Variants in SKI observed in about 807,000 individuals in gnomAD.
SKI encodes the protein SKI proto-oncogene, also known as ski oncogene.
In SKI, 23 loss-of-function variants were observed where a neutral mutation model predicts 59.3. The observed-to-expected ratio is 0.39, with a 90% CI of 0.28 to 0.55. The LOEUF (loss-of-function observed/expected upper bound fraction) is 0.55, where lower values mean the gene tolerates loss of function less well. Ranked by LOEUF, SKI falls within the 20% of genes least tolerant of loss-of-function variation. The pLI is 0.67. For synonymous variants in SKI, 673 were observed against 488.6 expected (o/e 1.38, Z -4.98); for missense variants, 1,017 against 1,038.9 (o/e 0.98, Z 0.29).
chr1:2,234,416 C>G lies in SKI; in HGVS notation c.969+4681C>G, dbSNP rs115217717. Among the ~76,000 whole-genome samples, 323 of 152,318 alleles carry G rather than the reference C, an allele frequency of 2.1e-3. 3 individuals are homozygous for G. The highest frequency in any genetic ancestry group is 6.8e-3 in the Middle Eastern group (2 of 294). The stretch of plus-strand genomic sequence containing the variant: ...GGGGGCTAGTCCTCTCTTTCAGCAT[C>G]TTGTTTCTCAGCCGTCCCTGCGGCT... On this transcript the variant is annotated intron_variant, in intron 1 of 6. Coordinates refer to ENST00000378536, the MANE Select transcript of SKI (RefSeq NM_003036.4).
intron 1 of SKI, among the ~76,000 whole-genome samples, chr1:2,294,146 CCT>C (rs778985335): frequency 6.6e-6 from 1 of 152,172 alleles, no homozygotes; most frequent in African/African-American, 2.4e-5. Context: ...TTCCTCTTCC[CCT>C]GAGCGGGGGC....
At chr1:2,257,463 C>T (rs186763877) in intron 1 of SKI, among the ~76,000 whole-genome samples, 2 of 152,378 alleles carry the variant, frequency 1.3e-5, no homozygotes, top group Admixed American at 6.5e-5. Flanking sequence ...AGCGCGTCGG[C>T]GTGGCTCCCT....
intron 1 of SKI, among the ~76,000 whole-genome samples, chr1:2,266,381 G>A (rs747718990): frequency 3.9e-5 from 6 of 152,132 alleles, no homozygotes; most frequent in African/African-American, 7.2e-5. Context: ...CTGCTGCTCC[G>A]TCCTGTGAAT....
chr1:2,271,809 G>A (rs988747428), intron 1 of SKI, among the ~76,000 whole-genome samples: 1 of 152,268 alleles, frequency 6.6e-6, no homozygotes, highest in African/African-American at 2.4e-5. Flanking sequence ...GTCTGTTGCC[G>A]AGGGGCCAGG....
chr1:2,286,244 G>A (rs1210576345), intron 1 of SKI, among the ~76,000 whole-genome samples: 1 of 152,182 alleles, frequency 6.6e-6, no homozygotes, highest in Non-Finnish European at 1.5e-5. Context: ...GCTCACTCCT[G>A]TCATTCCAGT....
intron 4 of SKI, 41 bp from the exon 5 acceptor site, chr1:2,304,252 G>C: frequency 6.4e-7 from 1 of 1,552,004 alleles, no homozygotes; most frequent in Non-Finnish European, 8.7e-7. Context: ...GAGCTGCCGG[G>C]CACTTCCATG....
At position 2,303,892 on chromosome 1, in the gene SKI, G is replaced by A. The variant is rs760579911; in HGVS notation, c.1264G>A (p.Ala422Thr). The change falls in exon 4 of 7, where the codon GCA becomes ACA. Residue 422 changes from alanine to threonine, a missense_variant. By Grantham distance (58) the Ala-to-Thr change is moderately conservative. Transcript: ENST00000378536. This position sits in a 1 kb window ranked among gnomAD's most constrained non-coding sequence, Gnocchi z 5.6. ...AGCCGTGGCGCCCAACGTGGCCCTC[G>A]CACCGCCGGCCCAGCAGAAGGTTGT... ...ETAVAPNVAL[A>T]PPAQQKVVSS... 36 of 1,612,130 alleles carry A rather than the reference G, an allele frequency of 2.2e-5. No homozygotes were observed. The highest frequency in any genetic ancestry group is 3.0e-5 in the Non-Finnish European group (35 of 1,179,778).
chr1:2,261,866 A>G (rs1308256737), intron 1 of SKI, among the ~76,000 whole-genome samples: 4 of 143,074 alleles, frequency 2.8e-5, no homozygotes, highest in Non-Finnish European at 6.0e-5. Flanking sequence ...GTGGGAGTGG[A>G]CGCCCTCACT....
intron 1 of SKI, among the ~76,000 whole-genome samples, chr1:2,284,163 C>A (rs1639980073): frequency 1.3e-5 from 2 of 152,116 alleles, no homozygotes; most frequent in African/African-American, 4.8e-5. Flanking sequence ...GCATCAGAGG[C>A]CCCAGAGGCC....
chr1:2,257,127 ATCTC>A lies in SKI; in HGVS notation c.969+27394_969+27397del, dbSNP rs144959112. On this transcript the variant is annotated intron_variant, in intron 1 of 6. Coordinates refer to ENST00000378536, the MANE Select transcript of SKI (RefSeq NM_003036.4). Reference sequence around the variant, plus strand: ...TTTCATTTTCGTTTCTAAGATATCTATCTCTTTGTAAAAGCTCCCACCTTTTGTG... The same window carrying A: ...TTTCATTTTCGTTTCTAAGATATCTATTTGTAAAAGCTCCCACCTTTTGTG... 8.6e-3 allele frequency among the ~76,000 whole-genome samples: 1,314 copies of A among 152,216 alleles called. 4 individuals carry two copies. Among genetic ancestry groups the A allele is most frequent in the Non-Finnish European group, 0.013 (910 of 68,012 alleles).
At chr1:2,255,508 GA>G (rs1337578339) in intron 1 of SKI, among the ~76,000 whole-genome samples, 1 of 150,038 alleles carries the variant, frequency 6.7e-6, no homozygotes, top group African/African-American at 2.5e-5. Flanking sequence ...TTCCTGCCTG[GA>G]GCTCTCTGTG....
rs1317128060 is a variant in SKI at position 2,304,295 on chromosome 1, ACCT to A, written c.1484_1486del (p.Ser495del). 5.2e-6 allele frequency: 8 copies of A among 1,550,902 alleles called. No homozygotes were observed. The highest frequency in any genetic ancestry group is 6.1e-6 in the Non-Finnish European group (7 of 1,146,760). ...TTCTGTCTCTGCTTCCTCCTCAGTCACCTCCTCCTTGTCCTCGCTCTCTTCCCC... is the reference window on the plus strand; with the variant it reads ...TTCTGTCTCTGCTTCCTCCTCAGTCACCTCCTTGTCCTCGCTCTCTTCCCC... On this transcript the variant is annotated inframe_deletion, in exon 5 of 7. Coordinates refer to ENST00000378536, the MANE Select transcript of SKI (RefSeq NM_003036.4).
chr1:2,278,897 G>A (rs747221046), intron 1 of SKI, among the ~76,000 whole-genome samples: 9 of 152,182 alleles, frequency 5.9e-5, no homozygotes, highest in Non-Finnish European at 5.9e-5. Flanking sequence ...GTTAGGGCCC[G>A]AGTGCTTGCG....
Position 2,245,560 on chromosome 1 carries a change from C to T in SKI, c.969+15825C>T, listed in dbSNP as rs76299471. ...CGATCTCGGCTCACTGCAGCCTCCACCTCCTCCTGGGCTCAAGCGATTCTC... is the reference window on the plus strand; with the variant it reads ...CGATCTCGGCTCACTGCAGCCTCCATCTCCTCCTGGGCTCAAGCGATTCTC... On this transcript the variant is annotated intron_variant, in intron 1 of 6. Transcript: ENST00000378536. Among the ~76,000 whole-genome samples, 301 of 152,190 alleles carry T rather than the reference C, an allele frequency of 2.0e-3. 3 individuals carry two copies. The East Asian group carries it at 0.022, about 11-fold the overall frequency.
At chr1:2,240,402 G>C in intron 1 of SKI, 2 of 800,338 alleles carry the variant, frequency 2.5e-6, no homozygotes, top group Non-Finnish European at 3.0e-6. Flanking sequence ...CTACGGGCAG[G>C]AGTGTGTCTG....
intron 1 of SKI, among the ~76,000 whole-genome samples, chr1:2,259,949 T>C (rs929533703): frequency 1.3e-5 from 2 of 152,266 alleles, no homozygotes; most frequent in Admixed American, 1.3e-4. Context: ...AGTTCTTGAC[T>C]GTCACAAAGA....
rs1356960548 is a variant in SKI at position 2,306,778 on chromosome 1, CCGCCGCAGCGCCGCCGACAA to C, written c.*17_*36del. On this transcript the variant is annotated 3_prime_UTR_variant, in exon 7 of 7. Transcript: ENST00000378536. ...GCTGGAGCCGTAGATTCCGTGCCTG[CCGCCGCAGCGCCGCCGACAA>C]CGCGGGTGCAGGGGGGCGCGGCTGG... The C allele has an allele frequency of 5.6e-5, 84 of 1,492,578 alleles. No homozygotes were observed. Among genetic ancestry groups the C allele is most frequent in the Admixed American group, 6.7e-5 (3 of 45,052 alleles). The allele number at this position is 1,492,578 out of a possible 1,614,324, so 92.5% of individuals were successfully genotyped here.
At chr1:2,287,740 C>CT (rs974630516) in intron 1 of SKI, among the ~76,000 whole-genome samples, 10 of 152,188 alleles carry the variant, frequency 6.6e-5, no homozygotes, top group African/African-American at 2.4e-4. Context: ...CCTAGAAGGA[C>CT]AGGGCTTGTG....
chr1:2,260,017 T>C (rs572842748), intron 1 of SKI, among the ~76,000 whole-genome samples: 1 of 152,350 alleles, frequency 6.6e-6, no homozygotes, highest in African/African-American at 2.4e-5. Context: ...TTTATTTCCC[T>C]GGATAGATAC....
Sources: gnomAD v4.1 joint callset for allele counts (sites outside exome capture counted in the v4.1 genomes callset) on GRCh38, gnomAD v4.1.1 for gene constraint, Gnocchi (gnomAD v3.1) non-coding constraint, MANE v1.5 for transcripts, NCBI Gene and HGNC (gene_info 2026-07-23, HGNC 2026-07-21) for gene names.